BBX: variants seen among roughly 807,000 people sequenced by gnomAD.
BBX encodes the protein HMG box transcription factor BBX.
Under a neutral mutation model 100.2 loss-of-function variants are expected in BBX, and 30 were observed. The ratio of observed to expected loss-of-function variants is 0.30; its 90% CI spans 0.22 to 0.41. The LOEUF is 0.41. Among genes scored for constraint, BBX ranks in the 10% least tolerant of loss-of-function variants. BBX has a pLI of 1.00. For synonymous variants in BBX, 376 were observed against 388.1 expected (o/e 0.97, Z 0.37); for missense variants, 1,023 against 1,129.8 (o/e 0.91, Z 1.35).
intron 10 of BBX, among the ~76,000 whole-genome samples, chr3:107,767,824 C>A (rs2066518528): frequency 6.6e-6 from 1 of 152,122 alleles, no homozygotes; most frequent in African/African-American, 2.4e-5. Context: ...TCCTTGGCTC[C>A]TATGTCCCCT....
rs760883944 is a variant in BBX at position 107,778,470 on chromosome 3, A to G, written c.2154A>G (p.Lys718=). 1.9e-6 allele frequency: 3 copies of G among 1,613,388 alleles called. No individual in the cohort carries two copies. The highest frequency in any genetic ancestry group is 1.7e-5 in the Admixed American group (1 of 59,918). Residue 718 remains lysine, a synonymous_variant, in exon 13 of 18, where the codon AAA becomes AAG. Transcript: ENST00000325805. ...FDRKCVPVPR[K]KKKTGNVSSE... is the part of the protein sequence containing the mutation. ...GGAAATGTGTACCTGTCCCAAGAAA[A>G]AAGAAGAAGACTGGAAATGTGTCCT... is the stretch of plus-strand genomic sequence containing the variant.
chr3:107,635,990 G>A (rs1210881481), intron 2 of BBX, among the ~76,000 whole-genome samples: 3 of 152,268 alleles, frequency 2.0e-5, no homozygotes, highest in South Asian at 2.1e-4. Context: ...GACTACAGGC[G>A]TTAGCCACCG....
At chr3:107,583,921 T>C (rs1275519733) in intron 2 of BBX, among the ~76,000 whole-genome samples, 2 of 85,502 alleles carry the variant, frequency 2.3e-5, no homozygotes, top group African/African-American at 9.5e-5. Flanking sequence ...AATTATACTT[T>C]ATATATAATA....
chr3:107,652,451 G>A (rs1403740397), intron 3 of BBX, among the ~76,000 whole-genome samples: 1 of 150,500 alleles, frequency 6.6e-6, no homozygotes, highest in African/African-American at 2.5e-5. Context: ...CAGTTTGTCA[G>A]TGTAATTGTT....
At chr3:107,695,766 T>C (rs1433192023) in intron 3 of BBX, among the ~76,000 whole-genome samples, 4 of 151,366 alleles carry the variant, frequency 2.6e-5, no homozygotes, top group South Asian at 2.1e-4. Context: ...ACTTTCTGTC[T>C]TGTTGATCTG....
At chr3:107,538,133 T>A (rs1427779257) in intron 2 of BBX, among the ~76,000 whole-genome samples, 2 of 152,242 alleles carry the variant, frequency 1.3e-5, no homozygotes, top group Non-Finnish European at 2.9e-5. Context: ...CATGCATTCT[T>A]ATCTCATTGG....
At chr3:107,712,438 C>G (rs1160715291) in intron 4 of BBX, among the ~76,000 whole-genome samples, 3 of 152,132 alleles carry the variant, frequency 2.0e-5, no homozygotes, top group Non-Finnish European at 2.9e-5. Flanking sequence ...CTGCATCTTC[C>G]CTTTCTCAGT....
chr3:107,676,844 A>C (rs1322184133), intron 3 of BBX, among the ~76,000 whole-genome samples: 2 of 152,150 alleles, frequency 1.3e-5, no homozygotes, highest in African/African-American at 4.8e-5. Flanking sequence ...ATAGCTTTTT[A>C]AAAGATCATT....
intron 3 of BBX, among the ~76,000 whole-genome samples, chr3:107,701,926 G>A (rs1180462690): frequency 2.6e-5 from 4 of 152,132 alleles, no homozygotes; most frequent in African/African-American, 9.7e-5. Flanking sequence ...TATATGTCTA[G>A]CTAGCATTGT....
chr3:107,786,360 A>G (rs2068425943), intron 13 of BBX, among the ~76,000 whole-genome samples: 1 of 152,152 alleles, frequency 6.6e-6, no homozygotes, highest in Admixed American at 6.6e-5. Flanking sequence ...AAAAAACAAA[A>G]CAATCTTAGA....
At chr3:107,748,998 T>TA (rs1444606690) in intron 9 of BBX, among the ~76,000 whole-genome samples, 2,836 of 145,358 alleles carry the variant, frequency 0.02, 75 homozygotes, top group African/African-American at 0.066. Flanking sequence ...GCTCTTACAT[T>TA]AAAAAAAAAA....
At chr3:107,656,907 G>A (rs562115308) in intron 3 of BBX, among the ~76,000 whole-genome samples, 27 of 152,318 alleles carry the variant, frequency 1.8e-4, no homozygotes, top group African/African-American at 6.3e-4. Context: ...TCACAAAGAA[G>A]AGGAAATAAC....
chr3:107,769,882 G>T (rs192040318), intron 10 of BBX, among the ~76,000 whole-genome samples: 162 of 152,268 alleles, frequency 1.1e-3, no homozygotes, highest in African/African-American at 3.8e-3. Context: ...AACTCTGAGA[G>T]TCTGATTGGG....
rs890115972 is a variant in BBX, at chr3:107,636,672, G to A, written c.-83-9164G>A. On this transcript the variant is annotated intron_variant, in intron 2 of 17. Transcript: ENST00000325805. The stretch of plus-strand genomic sequence containing the variant: ...CTGATTTCTGTGGGTTGCTACACTG[G>A]AATTAGTGACAAAGGATAACCCTTA... Among the ~76,000 whole-genome samples the A allele has an allele frequency of 3.3e-5, 5 of 152,114 alleles. No individual in the cohort carries two copies. The East Asian group carries it at 9.6e-4, about 29-fold the overall frequency.
At chr3:107,734,454 A>G (rs2063515763) in intron 7 of BBX, among the ~76,000 whole-genome samples, 5 of 152,174 alleles carry the variant, frequency 3.3e-5, no homozygotes, top group Admixed American at 2.6e-4. Flanking sequence ...ACTTTCTAAC[A>G]CATTGCTGCT....
At chr3:107,720,753 A>G (rs1576494891) in intron 5 of BBX, among the ~76,000 whole-genome samples, 1 of 151,886 alleles carries the variant, frequency 6.6e-6, no homozygotes, top group Non-Finnish European at 1.5e-5. Flanking sequence ...CTGCCACAAA[A>G]CTCCATGGGT....
chr3:107,617,393 AT>A (rs2055375337), intron 2 of BBX, among the ~76,000 whole-genome samples: 1 of 152,078 alleles, frequency 6.6e-6, no homozygotes, highest in African/African-American at 2.4e-5. Flanking sequence ...TCCATGTAGA[AT>A]TTAGAATCTT....
rs570324424 is a variant in BBX, at chr3:107,650,031, C to T, written c.-10+4122C>T. Among the ~76,000 whole-genome samples the T allele has an allele frequency of 2.6e-5, 4 of 152,130 alleles. No individual in the cohort carries two copies. In the East Asian group the frequency reaches 7.7e-4, roughly 29 times the overall value. ...AAATGGTGCTACTGAAATTTTTTTCCTCATATAGAGGAAATACTGTTTGGT... is the reference window on the plus strand; with the variant it reads ...AAATGGTGCTACTGAAATTTTTTTCTTCATATAGAGGAAATACTGTTTGGT... On this transcript the variant is annotated intron_variant, in intron 3 of 17. Coordinates refer to ENST00000325805, the MANE Select transcript of BBX (RefSeq NM_001142568.3).
intron 2 of BBX, among the ~76,000 whole-genome samples, chr3:107,576,295 G>A (rs2051764019): frequency 6.6e-6 from 1 of 152,128 alleles, no homozygotes; most frequent in Non-Finnish European, 1.5e-5. Flanking sequence ...CTTAATATTT[G>A]CTTAGAATTA....
Sources: allele counts gnomAD v4.1 joint callset (sites outside exome capture counted in the v4.1 genomes callset), GRCh38; gene constraint gnomAD v4.1.1; transcripts MANE v1.5; gene names NCBI Gene and HGNC (gene_info 2026-07-23, HGNC 2026-07-21).